Variants in SERPINI2 observed in about 807,000 individuals in gnomAD.
SERPINI2 encodes the protein serpin I2.
A neutral mutation model predicts 47.3 loss-of-function variants in SERPINI2; 48 were observed. The ratio of observed to expected loss-of-function variants is 1.02; its 90% CI spans 0.81 to 1.29. The LOEUF (loss-of-function observed/expected upper bound fraction) is 1.29, where lower values mean the gene tolerates loss of function less well. Among genes scored for constraint, SERPINI2 ranks in the 50% most tolerant of loss-of-function variants. SERPINI2 has a pLI of 0.00. For synonymous variants in SERPINI2, 135 were observed against 149.3 expected (o/e 0.90, Z 0.70); for missense variants, 448 against 456.9 (o/e 0.98, Z 0.18).
chr3:167,446,972 T>C (rs1749497340), intron 7 of SERPINI2: 1 of 152,148 alleles, frequency 6.6e-6, no homozygotes, highest in South Asian at 2.1e-4. Context: ...ATTTGTGCAG[T>C]GAATGTGTGT....
chr3:167,472,976 T>A (rs184127204), intron 1 of SERPINI2, among the ~76,000 whole-genome samples: 3 of 151,872 alleles, frequency 2.0e-5, no homozygotes, highest in Non-Finnish European at 4.4e-5. Context: ...TTTAGAATAG[T>A]CTGTTGTCAG....
chr3:167,473,821 G>A, intron 1 of SERPINI2, 182 bp downstream of exon 1: 1 of 1,399,646 alleles, frequency 7.1e-7, no homozygotes, highest in Non-Finnish European at 9.3e-7. Flanking sequence ...TATAAGAACT[G>A]GATCTTCTGA....
upstream of SERPINI2, among the ~76,000 whole-genome samples, chr3:167,474,754 A>T (rs1044939787): frequency 2.0e-5 from 3 of 151,732 alleles, no homozygotes. Flanking sequence ...GGTCATTAAT[A>T]AAAAATTGCA....
chr3:167,447,876 T>G (rs573515221), intron 7 of SERPINI2, among the ~76,000 whole-genome samples: 10 of 152,352 alleles, frequency 6.6e-5, no homozygotes, highest in Admixed American at 2.0e-4. Flanking sequence ...CTTCAGGAGA[T>G]GACAAAATTG....
rs752042065 is a variant in SERPINI2, at chr3:167,471,860, C to G, written c.-10-16G>C. 1 of 1,573,542 alleles carries G rather than the reference C, an allele frequency of 6.4e-7. No homozygotes were observed. The highest frequency in any genetic ancestry group is 8.7e-7 in the Non-Finnish European group (1 of 1,149,624). Reference sequence around the variant, plus strand: ...TTTGACTTCTCTGTATTGTTTAAATCAAAATATATTCATTTTCAAAATAGA... The same window carrying G: ...TTTGACTTCTCTGTATTGTTTAAATGAAAATATATTCATTTTCAAAATAGA... On this transcript the variant is annotated splice_polypyrimidine_tract_variant and intron_variant, in intron 1 of 8. Coordinates refer to ENST00000264677, the Ensembl canonical transcript of SERPINI2.
chr3:167,476,715 C>T (rs1297180331), upstream of SERPINI2, among the ~76,000 whole-genome samples: 1 of 151,976 alleles, frequency 6.6e-6, no homozygotes, highest in Non-Finnish European at 1.5e-5. Flanking sequence ...GCTTAATAAA[C>T]CACTACATTT....
intron 5 of SERPINI2, among the ~76,000 whole-genome samples, chr3:167,458,046 C>T (rs560689337): frequency 6.6e-6 from 1 of 152,290 alleles, no homozygotes; most frequent in African/African-American, 2.4e-5. Flanking sequence ...CTTACTTGGA[C>T]ATATTCAACA....
At chr3:167,461,676 T>C (rs1749985479) in intron 5 of SERPINI2, among the ~76,000 whole-genome samples, 1 of 151,924 alleles carries the variant, frequency 6.6e-6, no homozygotes, top group African/African-American at 2.4e-5. Flanking sequence ...AGTGGCAGGA[T>C]CACAGCTCAC....
chr3:167,452,930 T>C lies in SERPINI2; in HGVS notation c.964+6A>G, dbSNP rs373825022. 3 of 1,530,508 alleles carry C rather than the reference T, an allele frequency of 2.0e-6. No individual in the cohort carries two copies. Among genetic ancestry groups the C allele is most frequent in the East Asian group, 2.3e-5 (1 of 44,404 alleles). The allele number at this position is 1,530,508 out of a possible 1,614,324, so 94.8% of individuals were successfully genotyped here. A position where few individuals can be genotyped will look rare whatever the true frequency, so the allele number is the denominator to read the frequency against. The stretch of plus-strand genomic sequence containing the variant: ...ATCATAATATAAGAATTATTTATCA[T>C]ACTACCTGTTATTCCAGAAAGGTCG... On this transcript the variant is annotated splice_donor_region_variant and intron_variant, in intron 6 of 8. Coordinates refer to ENST00000264677, the Ensembl canonical transcript of SERPINI2.
At chr3:167,461,701 C>T (rs995641176) in intron 5 of SERPINI2, among the ~76,000 whole-genome samples, 2 of 151,938 alleles carry the variant, frequency 1.3e-5, no homozygotes, top group Non-Finnish European at 2.9e-5. Flanking sequence ...GCCTTGAACA[C>T]ATGGGCTCAA....
At chr3:167,468,501 T>C (rs1437154220) in intron 2 of SERPINI2, among the ~76,000 whole-genome samples, 1 of 152,184 alleles carries the variant, frequency 6.6e-6, no homozygotes, top group African/African-American at 2.4e-5. Context: ...CTTTTTGGCC[T>C]GGCGTTCTCA....
intron 5 of SERPINI2, among the ~76,000 whole-genome samples, chr3:167,456,092 G>A (rs1159426029): frequency 1.3e-5 from 2 of 151,560 alleles, no homozygotes; most frequent in Non-Finnish European, 2.9e-5. Flanking sequence ...GACAATGGTG[G>A]CCCTAGATGG....
chr3:167,446,407 T>G, exon 8 of SERPINI2: 1 of 1,607,834 alleles, frequency 6.2e-7, no homozygotes, highest in Middle Eastern at 1.7e-4. Context: ...GGATTATGCT[T>G]CATAATAAAC....
intron 5 of SERPINI2, among the ~76,000 whole-genome samples, chr3:167,454,739 C>T (rs1429603060): frequency 6.6e-6 from 1 of 152,112 alleles, no homozygotes. Flanking sequence ...ACACATTCAG[C>T]CATCTAATGA....
intron 6 of SERPINI2, among the ~76,000 whole-genome samples, chr3:167,451,778 C>G (rs1749648027): frequency 6.6e-6 from 1 of 152,086 alleles, no homozygotes; most frequent in South Asian, 2.1e-4. Context: ...TGAGTGATCT[C>G]CCTATGGCCA....
At chr3:167,442,608 G>T (rs991612609) in intron 8 of SERPINI2, among the ~76,000 whole-genome samples, 2 of 152,168 alleles carry the variant, frequency 1.3e-5, no homozygotes, top group Non-Finnish European at 2.9e-5. Flanking sequence ...AGGGCTAAAA[G>T]TGCAACTTCC....
exon 4 of SERPINI2, chr3:167,465,660 G>A: frequency 6.2e-7 from 1 of 1,607,016 alleles, no homozygotes; most frequent in Non-Finnish European, 8.5e-7. Context: ...CTGAAAACAT[G>A]TCTTTAATTT....
chr3:167,467,820 C>T (rs1462503389), intron 2 of SERPINI2, among the ~76,000 whole-genome samples: 6 of 152,216 alleles, frequency 3.9e-5, no homozygotes, highest in South Asian at 2.1e-4. Context: ...TCTAGAGATG[C>T]GTAAGAATCA....
At chr3:167,471,720 A>T (rs1164768297) in exon 2 of SERPINI2, 1 of 1,613,690 alleles carries the variant, frequency 6.2e-7, no homozygotes, top group Non-Finnish European at 8.5e-7. Context: ...TTATGAGATA[A>T]GGAAACCTCT....
Sources: allele counts gnomAD v4.1 joint callset (sites outside exome capture counted in the v4.1 genomes callset), GRCh38; gene constraint gnomAD v4.1.1; transcripts MANE v1.5; gene names NCBI Gene and HGNC (gene_info 2026-07-23, HGNC 2026-07-21).